Variants in SLC41A2 observed in about 807,000 individuals in gnomAD.
SLC41A2 encodes the protein SLC41A1-like 1.
A neutral mutation model predicts 58.3 loss-of-function variants in SLC41A2; 32 were observed. The observed-to-expected ratio is 0.55, with a 90% CI of 0.41 to 0.74. The LOEUF is 0.74. Ranked by LOEUF, SLC41A2 falls within the 30% of genes least tolerant of loss-of-function variation. The pLI is 0.00. For missense variants in SLC41A2, 514 were observed against 680.6 expected, an observed-to-expected ratio of 0.76 and a Z score of 2.72; for synonymous variants, 190 against 235.0, an observed-to-expected ratio of 0.81 and a Z score of 1.75.
intron 10 of SLC41A2, among the ~76,000 whole-genome samples, chr12:104,824,755 C>G (rs1250983253): frequency 6.6e-6 from 1 of 152,174 alleles, no homozygotes; most frequent in Non-Finnish European, 1.5e-5. Context: ...GCCTGCCTGT[C>G]TGTATGCTCC....
chr12:104,916,629 T>C (rs2046335752), intron 2 of SLC41A2, among the ~76,000 whole-genome samples: 1 of 151,950 alleles, frequency 6.6e-6, no homozygotes. Flanking sequence ...AACAGAGATA[T>C]AGATCAATGG....
chr12:104,950,499 T>C (rs759518940), intron 1 of SLC41A2, among the ~76,000 whole-genome samples: 1 of 152,150 alleles, frequency 6.6e-6, no homozygotes, highest in Admixed American at 6.5e-5. Flanking sequence ...TTAAACCTCT[T>C]TCCTTTATAA....
chr12:104,835,143 C>T (rs930195358), intron 10 of SLC41A2, among the ~76,000 whole-genome samples: 12 of 152,058 alleles, frequency 7.9e-5, no homozygotes, highest in Admixed American at 3.3e-4. Context: ...TATAACAACC[C>T]ACAAGGTTGG....
chr12:104,955,016 C>CTTTTTTTT (rs375969264), intron 1 of SLC41A2, among the ~76,000 whole-genome samples: 37 of 79,166 alleles, frequency 4.7e-4, no homozygotes, highest in African/African-American at 9.9e-4. Context: ...TTGGCCCTTG[C>CTTTTTTTT]TTTTTTTTTT....
intron 7 of SLC41A2, among the ~76,000 whole-genome samples, chr12:104,865,086 CT>C (rs1196648250): frequency 6.6e-6 from 1 of 152,124 alleles, no homozygotes; most frequent in Non-Finnish European, 1.5e-5. Context: ...GTTTGTAGCT[CT>C]TTCATTAAAG....
intron 1 of SLC41A2, among the ~76,000 whole-genome samples, chr12:104,942,116 C>A (rs574743080): frequency 1.3e-5 from 2 of 152,204 alleles, no homozygotes; most frequent in East Asian, 3.9e-4. Flanking sequence ...TCCCCCTACT[C>A]TGTCTTAAAC....
At chr12:104,858,261 T>C (rs946160758) in intron 8 of SLC41A2, among the ~76,000 whole-genome samples, 5 of 152,156 alleles carry the variant, frequency 3.3e-5, no homozygotes, top group African/African-American at 1.2e-4. Context: ...TTAAACAATG[T>C]ATGCATTCTT....
chr12:104,955,082 G>C (rs181835581), intron 1 of SLC41A2, among the ~76,000 whole-genome samples: 10 of 137,826 alleles, frequency 7.3e-5, no homozygotes, highest in Non-Finnish European at 1.4e-4. Context: ...GCGTGATCTC[G>C]GTTCACTGCA....
intron 2 of SLC41A2, among the ~76,000 whole-genome samples, chr12:104,916,528 C>T (rs917263592): frequency 4.6e-5 from 7 of 152,062 alleles, no homozygotes; most frequent in African/African-American, 1.7e-4. Flanking sequence ...CAATCCTAAG[C>T]CAAAAGAACA....
chr12:104,949,430 C>T (rs534168151), intron 1 of SLC41A2, among the ~76,000 whole-genome samples: 1 of 152,258 alleles, frequency 6.6e-6, no homozygotes, highest in Non-Finnish European at 1.5e-5. Flanking sequence ...TCATCCTTTA[C>T]ACAAAGATTT....
chr12:104,816,411 C>T (rs1002777682), intron 10 of SLC41A2, among the ~76,000 whole-genome samples: 1 of 152,084 alleles, frequency 6.6e-6, no homozygotes, highest in African/African-American at 2.4e-5. Flanking sequence ...CTTGGAGGCC[C>T]AAAACAAAGG....
chr12:104,941,669 AAC>A (rs1335935530), intron 1 of SLC41A2, among the ~76,000 whole-genome samples: 2 of 152,264 alleles, frequency 1.3e-5, no homozygotes, highest in Non-Finnish European at 2.9e-5. Context: ...GGATTGCATA[AAC>A]AGAGTACAGT....
chr12:104,828,011 T>G (rs1382134096), intron 10 of SLC41A2, among the ~76,000 whole-genome samples: 1 of 152,134 alleles, frequency 6.6e-6, no homozygotes, highest in East Asian at 1.9e-4. Context: ...ATTTTTGCTT[T>G]CCTGCCCAAA....
At chr12:104,931,003 G>A (rs1593164900) in intron 1 of SLC41A2, among the ~76,000 whole-genome samples, 1 of 152,140 alleles carries the variant, frequency 6.6e-6, no homozygotes, top group South Asian at 2.1e-4. Flanking sequence ...ACTCAACCAG[G>A]TATACCATAC....
Position 104,844,610 on chromosome 12 carries a change from A to C in SLC41A2, c.1398T>G (p.Asn466Lys), listed in dbSNP as rs2042536719. The change falls in exon 10 of 11, where the codon AAT becomes AAG. Residue 466 changes from asparagine (N) to lysine (K), a missense_variant. This residue lies in a region of SLC41A2 where 128 missense variants were observed against 146.0 expected (regional missense o/e 0.88). Coordinates refer to ENST00000258538, the MANE Select transcript of SLC41A2 (RefSeq NM_001352171.3). The stretch of plus-strand genomic sequence containing the variant: ...AAAGCAGTAGAACTTGAGCAGACTT[A>C]TTATTTACTCCTGTAATATAAAATG... ...FRTFFGPGVNNKSAQVLLLLV... is the reference protein window; with the variant it reads ...FRTFFGPGVNKKSAQVLLLLV... 2 of 1,524,880 alleles carry C rather than the reference A, an allele frequency of 1.3e-6. No homozygotes were observed. Among genetic ancestry groups the C allele is most frequent in the Non-Finnish European group, 1.8e-6 (2 of 1,137,042 alleles). The allele number at this position is 1,524,880 out of a possible 1,614,324, so 94.5% of individuals were successfully genotyped here. A position where few individuals can be genotyped will look rare whatever the true frequency, so the allele number is the denominator to read the frequency against.
chr12:104,816,779 C>T (rs550664111), intron 10 of SLC41A2, among the ~76,000 whole-genome samples: 1 of 152,314 alleles, frequency 6.6e-6, no homozygotes, highest in South Asian at 2.1e-4. Context: ...GATCCAACTA[C>T]CTATGTGGTC....
chr12:104,870,437 C>A (rs1282933254), intron 6 of SLC41A2, among the ~76,000 whole-genome samples: 3 of 152,056 alleles, frequency 2.0e-5, no homozygotes, highest in Admixed American at 2.0e-4. Flanking sequence ...CAAAAAAACC[C>A]AAAAAACATT....
chr12:104,838,574 A>G (rs974912422), intron 10 of SLC41A2, among the ~76,000 whole-genome samples: 5 of 152,158 alleles, frequency 3.3e-5, no homozygotes, highest in Non-Finnish European at 5.9e-5. Context: ...AAACATTACT[A>G]TTTTGCTAAA....
intron 6 of SLC41A2, among the ~76,000 whole-genome samples, chr12:104,867,978 A>C (rs921031106): frequency 3.3e-5 from 5 of 151,988 alleles, no homozygotes; most frequent in Admixed American, 6.5e-5. Flanking sequence ...ATTAAAATAT[A>C]GCTAAACAAA....
Sources: allele counts gnomAD v4.1 joint callset (sites outside exome capture counted in the v4.1 genomes callset), GRCh38; gene constraint gnomAD v4.1.1; regional missense constraint gnomAD v4.1.1; transcripts MANE v1.5; gene names NCBI Gene and HGNC (gene_info 2026-07-23, HGNC 2026-07-21).